The following CNTNAP2 variants were observed in gnomAD, a reference collection of about 807,000 sequenced individuals.
CNTNAP2 encodes the protein contactin-associated protein-like 2.
A neutral mutation model predicts 155.2 loss-of-function variants in CNTNAP2; 98 were observed. The observed-to-expected ratio is 0.63, with a 90% CI of 0.54 to 0.75. The LOEUF (loss-of-function observed/expected upper bound fraction) is 0.75. Ranked by LOEUF, CNTNAP2 falls within the 30% of genes least tolerant of loss-of-function variation. The pLI is 0.00. For missense variants in CNTNAP2, 1,727 were observed against 1,688.1 expected, an observed-to-expected ratio of 1.02 and a Z score of -0.40; for synonymous variants, 651 against 631.2, an observed-to-expected ratio of 1.03 and a Z score of -0.47.
chr7:146,383,101 A>C (rs989031550), intron 1 of CNTNAP2, among the ~76,000 whole-genome samples: 5 of 152,162 alleles, frequency 3.3e-5, no homozygotes, highest in Non-Finnish European at 5.9e-5. Context: ...TCATGGAAAC[A>C]ATGTGAATCT....
At chr7:147,598,022 A>G (rs1478231176) in intron 12 of CNTNAP2, among the ~76,000 whole-genome samples, 1 of 152,186 alleles carries the variant, frequency 6.6e-6, no homozygotes, top group Non-Finnish European at 1.5e-5. Context: ...TGGAATGGGA[A>G]GGAGCAGTTC....
intron 14 of CNTNAP2, among the ~76,000 whole-genome samples, chr7:147,929,236 T>C (rs1800455463): frequency 6.6e-6 from 1 of 152,132 alleles, no homozygotes; most frequent in South Asian, 2.1e-4. Flanking sequence ...GAGCTGCATT[T>C]GAAGTTCAGC....
intron 3 of CNTNAP2, among the ~76,000 whole-genome samples, chr7:146,925,683 C>A (rs1213662139): frequency 6.6e-6 from 1 of 152,052 alleles, no homozygotes; most frequent in Non-Finnish European, 1.5e-5. Context: ...TAAAAGCAGG[C>A]ATAACAAGTG....
At chr7:147,975,149 C>A (rs1473435101) in intron 14 of CNTNAP2, among the ~76,000 whole-genome samples, 1 of 150,256 alleles carries the variant, frequency 6.7e-6, no homozygotes, top group Non-Finnish European at 1.5e-5. Flanking sequence ...ATTATATATA[C>A]TATTTTTTGT....
chr7:147,492,452 C>A (rs1477849781), intron 11 of CNTNAP2, among the ~76,000 whole-genome samples: 1 of 152,118 alleles, frequency 6.6e-6, no homozygotes, highest in Non-Finnish European at 1.5e-5. Flanking sequence ...TTGACTAGTA[C>A]ATGACAAGAA....
chr7:147,430,798 C>A (rs901373465), intron 10 of CNTNAP2, among the ~76,000 whole-genome samples: 12 of 152,076 alleles, frequency 7.9e-5, no homozygotes, highest in African/African-American at 2.9e-4. Flanking sequence ...GGCACAGTGG[C>A]TCACACCTGT....
At chr7:146,534,143 A>T (rs1288936142) in intron 1 of CNTNAP2, among the ~76,000 whole-genome samples, 1 of 152,128 alleles carries the variant, frequency 6.6e-6, no homozygotes, top group Non-Finnish European at 1.5e-5. Flanking sequence ...TCTGATACTA[A>T]AACAGTCTGT....
intron 21 of CNTNAP2, among the ~76,000 whole-genome samples, chr7:148,300,048 C>T (rs76760680): frequency 2.3e-4 from 35 of 152,226 alleles, no homozygotes; most frequent in Non-Finnish European, 4.4e-4. Flanking sequence ...ACAGGGATAA[C>T]GGATTTTCAA....
rs543763731 is a variant in CNTNAP2, at chr7:148,308,159, T to G, written c.3475+41033T>G. ...GAATTTCATGTTTTAATACTAGGTTTTTCCTCCCACGCAGTGAATTTTCTT... is the reference window on the plus strand; with the variant it reads ...GAATTTCATGTTTTAATACTAGGTTGTTCCTCCCACGCAGTGAATTTTCTT... On this transcript the variant is annotated intron_variant, in intron 21 of 23. Coordinates refer to ENST00000361727, the MANE Select transcript of CNTNAP2 (RefSeq NM_014141.6). Among the ~76,000 whole-genome samples the G allele has an allele frequency of 1.1e-4, 17 of 152,298 alleles. No individual in the cohort carries two copies. In the East Asian group the frequency reaches 3.1e-3, roughly 28 times the overall value.
rs560758507 is a variant in CNTNAP2, at chr7:146,929,183, AC to A, written c.402+89285del. 2.4e-3 allele frequency among the ~76,000 whole-genome samples: 360 copies of A among 151,986 alleles called. 1 individual carries two copies. The highest frequency in any genetic ancestry group is 7.2e-3 in the African/African-American group (299 of 41,460). ...CCTCCGAGCAGCCTAACTGGGAGGC[AC>A]CCCCCAGTAGGGGCAGACTGACACC... On this transcript the variant is annotated intron_variant, in intron 3 of 23. Transcript: ENST00000361727.
At chr7:147,487,910 A>T (rs1032123634) in intron 11 of CNTNAP2, among the ~76,000 whole-genome samples, 1 of 152,140 alleles carries the variant, frequency 6.6e-6, no homozygotes, top group Non-Finnish European at 1.5e-5. Flanking sequence ...GGATCTTTAA[A>T]AGCAGAATCA....
intron 20 of CNTNAP2, among the ~76,000 whole-genome samples, chr7:148,264,560 T>C (rs1156368912): frequency 6.6e-6 from 1 of 152,230 alleles, no homozygotes; most frequent in Admixed American, 6.5e-5. Context: ...AGAAAATACA[T>C]TAGAAATTAA....
At chr7:146,919,556 C>G (rs1436676901) in intron 3 of CNTNAP2, among the ~76,000 whole-genome samples, 1 of 152,140 alleles carries the variant, frequency 6.6e-6, no homozygotes, top group East Asian at 1.9e-4. Flanking sequence ...GGTCTTTCAG[C>G]CATGGATACC....
At chr7:146,765,225 T>G (rs1466927672) in intron 1 of CNTNAP2, among the ~76,000 whole-genome samples, 1 of 152,216 alleles carries the variant, frequency 6.6e-6, no homozygotes. Context: ...ACTGTACTGA[T>G]GAGTTAGACA....
intron 2 of CNTNAP2, among the ~76,000 whole-genome samples, chr7:146,792,714 A>C (rs770312860): frequency 2.0e-5 from 3 of 152,214 alleles, no homozygotes; most frequent in Non-Finnish European, 4.4e-5. Flanking sequence ...TTATGACACA[A>C]GGCACTGTTG....
chr7:147,023,830 C>T (rs1479826799), intron 3 of CNTNAP2, among the ~76,000 whole-genome samples: 1 of 152,170 alleles, frequency 6.6e-6, no homozygotes, highest in Admixed American at 6.5e-5. Flanking sequence ...TTGGTTTTCA[C>T]CTTAAAATTA....
At chr7:146,379,021 A>G (rs770142158) in intron 1 of CNTNAP2, among the ~76,000 whole-genome samples, 2 of 152,234 alleles carry the variant, frequency 1.3e-5, no homozygotes, top group Admixed American at 6.5e-5. Flanking sequence ...CTTCGCAGAG[A>G]TTGTTCTGGT....
intron 1 of CNTNAP2, among the ~76,000 whole-genome samples, chr7:146,271,116 CT>C (rs964141399): frequency 1.3e-5 from 2 of 152,050 alleles, no homozygotes; most frequent in African/African-American, 4.8e-5. Context: ...CTATGGTTTG[CT>C]TTTTTTAATT....
At chr7:147,346,178 C>T (rs4109892) in intron 9 of CNTNAP2, among the ~76,000 whole-genome samples, 9 of 145,024 alleles carry the variant, frequency 6.2e-5, no homozygotes, top group East Asian at 2.0e-4. Context: ...GACAGAGTCT[C>T]GCTCTGTCGT....
Sources: allele counts gnomAD v4.1 joint callset (sites outside exome capture counted in the v4.1 genomes callset), GRCh38; gene constraint gnomAD v4.1.1; transcripts MANE v1.5; gene names NCBI Gene and HGNC (gene_info 2026-07-23, HGNC 2026-07-21).